LAT2: variants seen among roughly 807,000 people sequenced by gnomAD.
The protein encoded by LAT2 is linker for activation of T-cells family member 2.
Under a neutral mutation model 43.4 loss-of-function variants are expected in LAT2, and 23 were observed. That is an observed-to-expected ratio of 0.53 (90% CI 0.38 to 0.75). The LOEUF is 0.75. LAT2 is among the 30% of genes least tolerant of loss of function. The pLI, the probability that LAT2 is intolerant of heterozygous loss-of-function variation, is 0.00. For missense variants in LAT2, 284 were observed against 310.2 expected, an observed-to-expected ratio of 0.92 and a Z score of 0.64; for synonymous variants, 128 against 123.2, an observed-to-expected ratio of 1.04 and a Z score of -0.26.
chr7:74,214,994 C>G lies in LAT2; in HGVS notation c.-46C>G, dbSNP rs556824650. ...AAACCCACTCGAGAGGGCCACGCCT[C>G]CATTCACCAGGCCACGGTGGGTGGT... is the stretch of plus-strand genomic sequence containing the variant. On this transcript the variant is annotated 5_prime_UTR_variant, in exon 2 of 14. Transcript: ENST00000460943. The G allele has an allele frequency of 6.6e-6, 1 of 151,612 alleles. No individual in the cohort carries two copies. The highest frequency in any genetic ancestry group is 2.1e-4 in the South Asian group (1 of 4,812). The allele number at this position is 151,612 out of a possible 1,614,324, so 9.4% of individuals were successfully genotyped here.
intron 13 of LAT2, among the ~76,000 whole-genome samples, chr7:74,227,401 G>C (rs1802532000): frequency 6.6e-6 from 1 of 152,008 alleles, no homozygotes; most frequent in Non-Finnish European, 1.5e-5. Context: ...TGTATTTTTA[G>C]TAGAGATGGG....
At chr7:74,223,921 G>A in intron 11 of LAT2, 97 bp from the exon 12 acceptor site, 1 of 1,486,784 alleles carries the variant, frequency 6.7e-7, no homozygotes, top group Non-Finnish European at 9.2e-7. Context: ...GTACCTTTCG[G>A]TAGAGCCTTG....
chr7:74,221,844 G>A, intron 10 of LAT2, 152 bp downstream of exon 10: 3 of 630,642 alleles, frequency 4.8e-6, no homozygotes, highest in South Asian at 3.9e-5. Context: ...GCTGCAGGCG[G>A]GGGCCAAGAA....
intron 2 of LAT2, 25 bp downstream of exon 2, chr7:74,215,035 T>C (rs2116114083): frequency 6.6e-6 from 1 of 152,014 alleles, no homozygotes; most frequent in East Asian, 1.9e-4. Context: ...TATGTTTTGC[T>C]GAGGCCTGGT....
In LAT2 at chr7:74,224,193, C is replaced by G; in HGVS notation, c.624C>G (p.Val208=). The part of the protein sequence containing the change: ...SIHQWRESRK[V]MGQLQREASP... ...ATCAGTGGCGCGAGTCCAGGAAGGT[C>G]ATGGGTAGGTGGCCGGGAGAAGAGG... is the stretch of plus-strand genomic sequence containing the variant. The change falls in exon 12 of 14, where the codon GTC becomes GTG. Residue 208 remains valine, a synonymous_variant. Transcript: ENST00000460943. The G allele has an allele frequency of 6.2e-7, 1 of 1,613,166 alleles. No homozygotes were observed. The highest frequency in any genetic ancestry group is 8.5e-7 in the Non-Finnish European group (1 of 1,179,972).
At chr7:74,214,040 G>GTATA (rs374928543) in intron 1 of LAT2, among the ~76,000 whole-genome samples, 1,331 of 106,272 alleles carry the variant, frequency 0.013, 52 homozygotes, top group African/African-American at 0.051. Flanking sequence ...CCATATATAT[G>GTATA]TATATATATA....
chr7:74,227,428 C>G (rs1345974061), intron 13 of LAT2, among the ~76,000 whole-genome samples: 1 of 152,066 alleles, frequency 6.6e-6, no homozygotes, highest in Non-Finnish European at 1.5e-5. Context: ...CCATGTTGGC[C>G]AGGCTGGTCT....
Position 74,220,299 on chromosome 7 carries a change from G to A in LAT2, c.265+45G>A. ...GACAGGGACAGGCCTAGCCAAGCTG[G>A]GACTAAGACAGGCGAAAACCCCATG... is the stretch of plus-strand genomic sequence containing the variant. On this transcript the variant is annotated intron_variant, in intron 7 of 13. Coordinates refer to ENST00000460943, the MANE Select transcript of LAT2 (RefSeq NM_032464.3). The surrounding 1 kb of genome is among the most constrained non-coding windows in gnomAD (Gnocchi z 4.5). The A allele has an allele frequency of 6.3e-7, 1 of 1,584,366 alleles. No individual in the cohort carries two copies. Among genetic ancestry groups the A allele is most frequent in the Admixed American group, 1.8e-5 (1 of 55,920 alleles).
intron 3 of LAT2, 21 bp downstream of exon 3, chr7:74,216,090 C>T (rs1162195306): frequency 7.5e-6 from 12 of 1,591,262 alleles, no homozygotes; most frequent in East Asian, 2.2e-5. Context: ...GTCTCGGGGA[C>T]GTGATGGGGA....
At chr7:74,213,370 C>G (rs1024026503) in intron 1 of LAT2, among the ~76,000 whole-genome samples, 2 of 151,536 alleles carry the variant, frequency 1.3e-5, no homozygotes, top group Non-Finnish European at 2.9e-5. Flanking sequence ...AACCACCCGC[C>G]TCAGCCTCCC....
chr7:74,219,730 C>G lies in LAT2; in HGVS notation c.135-14C>G. The G allele has an allele frequency of 6.2e-7, 1 of 1,614,100 alleles. No homozygotes were observed. The highest frequency in any genetic ancestry group is 8.5e-7 in the Non-Finnish European group (1 of 1,180,004). On this transcript the variant is annotated splice_polypyrimidine_tract_variant and intron_variant, in intron 4 of 13. Transcript: ENST00000460943. ...AGTCCAGGCCCAGGCTCAGCACAGC[C>G]CATGCATTTCCAGGCGTGAGGACCA...
chr7:74,218,389 AGAG>A, intron 4 of LAT2, among the ~76,000 whole-genome samples: 1 of 152,322 alleles, frequency 6.6e-6, no homozygotes, highest in Admixed American at 6.5e-5. Context: ...ATTCTGGTTC[AGAG>A]GAGGAGCCCC....
rs1802033237 is a variant in LAT2 at position 74,216,075 on chromosome 7, C to CG, written c.94+11dup. 1 of 1,603,448 alleles carries CG rather than the reference C, an allele frequency of 6.2e-7. No homozygotes were observed. On this transcript the variant is annotated splice_region_variant and intron_variant, in intron 3 of 13. Transcript: ENST00000460943. Reference sequence around the variant, plus strand: ...TGTGCGCTGCTCACGCCCAGGTAAGCGGGGGTCTCGGGGACGTGATGGGGA... The same window carrying CG: ...TGTGCGCTGCTCACGCCCAGGTAAGCGGGGGGTCTCGGGGACGTGATGGGGA...
intron 1 of LAT2, among the ~76,000 whole-genome samples, chr7:74,212,062 G>A (rs1801753121): frequency 6.6e-6 from 1 of 151,982 alleles, no homozygotes. Context: ...TCTTGCCTCA[G>A]TGTCCCAAGT....
rs190306375 is a variant in LAT2 at position 74,223,064 on chromosome 7, C to T, written c.389-660C>T. The stretch of plus-strand genomic sequence containing the variant: ...TATCTGGAAGAGTCCAGCCCCTTCC[C>T]GGCAGTGGCTCTAGGGAGAGCTCCT... On this transcript the variant is annotated intron_variant, in intron 10 of 13. Transcript: ENST00000460943. Among the ~76,000 whole-genome samples, 13 of 152,322 alleles carry T rather than the reference C, an allele frequency of 8.5e-5. No individual in the cohort carries two copies. The East Asian group carries it at 2.3e-3, about 27-fold the overall frequency.
At chr7:74,213,083 C>T (rs775331374) in intron 1 of LAT2, among the ~76,000 whole-genome samples, 1 of 152,136 alleles carries the variant, frequency 6.6e-6, no homozygotes, top group Non-Finnish European at 1.5e-5. Context: ...GATCCCAAGG[C>T]AGGAGGTAGG....
intron 3 of LAT2, among the ~76,000 whole-genome samples, chr7:74,216,619 G>C (rs901988278): frequency 2.0e-5 from 3 of 152,054 alleles, no homozygotes; most frequent in African/African-American, 7.2e-5. Context: ...TGATCCTCCC[G>C]CCTCGGCCCA....
At chr7:74,217,391 A>T (rs1198050572) in intron 4 of LAT2, among the ~76,000 whole-genome samples, 2 of 152,036 alleles carry the variant, frequency 1.3e-5, no homozygotes, top group Non-Finnish European at 2.9e-5. Context: ...AGATTGTGCC[A>T]CTGCACTCCA....
Position 74,223,774 on chromosome 7 carries a change from A to T in LAT2, c.439A>T (p.Thr147Ser). ...TGTGCTCATTTGCAAGCAGAAAACC[A>T]CAGAGACAGGTGAGGCTGCCCAGCC... is the stretch of plus-strand genomic sequence containing the variant. ...ENVLICKQKTTETGAQQEGIG... is the reference protein window; with the variant it reads ...ENVLICKQKTSETGAQQEGIG... The change falls in exon 11 of 14, where the codon ACA becomes TCA. Residue 147 changes from threonine (T) to serine (S), a missense_variant. By Grantham distance (58) the Thr-to-Ser change is moderately conservative. Transcript: ENST00000460943. 1.2e-6 allele frequency: 2 copies of T among 1,613,680 alleles called. No individual in the cohort carries two copies. Among genetic ancestry groups the T allele is most frequent in the Non-Finnish European group, 1.7e-6 (2 of 1,179,818 alleles).
Sources: allele counts gnomAD v4.1 joint callset (sites outside exome capture counted in the v4.1 genomes callset), GRCh38; gene constraint gnomAD v4.1.1; non-coding constraint Gnocchi (gnomAD v3.1); transcripts MANE v1.5; gene names NCBI Gene and HGNC (gene_info 2026-07-23, HGNC 2026-07-21).